Variants in MAPKAPK2 observed in about 807,000 individuals in gnomAD.
MAPKAPK2 encodes the protein MAPK activated protein kinase 2.
A neutral mutation model predicts 48.8 loss-of-function variants in MAPKAPK2; 9 were observed. The observed-to-expected ratio is 0.18, with a 90% CI of 0.11 to 0.32. The LOEUF (loss-of-function observed/expected upper bound fraction) is 0.32. MAPKAPK2 is among the 10% of genes least tolerant of loss of function. The probability of loss-of-function intolerance (pLI) is 1.00; values close to 1 mark genes in which losing one functional copy is unlikely to be tolerated. For missense variants in MAPKAPK2, 331 were observed against 498.3 expected, an observed-to-expected ratio of 0.66 and a Z score of 3.20; for synonymous variants, 202 against 190.6, an observed-to-expected ratio of 1.06 and a Z score of -0.49.
At chr1:206,696,343 C>G (rs1279405519) in intron 1 of MAPKAPK2, 7 of 728,624 alleles carry the variant, frequency 9.6e-6, no homozygotes, top group Non-Finnish European at 1.8e-5. Flanking sequence ...ACTGTAAATC[C>G]CCTGAAAACC....
At chr1:206,713,876 A>C (rs190237034) in intron 1 of MAPKAPK2, among the ~76,000 whole-genome samples, 1 of 151,572 alleles carries the variant, frequency 6.6e-6, no homozygotes, top group East Asian at 1.9e-4. Flanking sequence ...AAAAAGAGAA[A>C]GCACACAAGA....
At chr1:206,720,401 G>C (rs1475469384) in intron 1 of MAPKAPK2, among the ~76,000 whole-genome samples, 4 of 152,140 alleles carry the variant, frequency 2.6e-5, no homozygotes, top group Admixed American at 6.5e-5. Context: ...GTCTCACTCT[G>C]TTGCCCAGGC....
chr1:206,727,860 T>C (rs1047882192), intron 1 of MAPKAPK2, among the ~76,000 whole-genome samples: 1 of 152,194 alleles, frequency 6.6e-6, no homozygotes, highest in Non-Finnish European at 1.5e-5. Context: ...CCTGACCTCG[T>C]GATCTGCCTG....
At chr1:206,726,147 A>G (rs540631924) in intron 1 of MAPKAPK2, among the ~76,000 whole-genome samples, 1 of 152,226 alleles carries the variant, frequency 6.6e-6, no homozygotes, top group Non-Finnish European at 1.5e-5. Flanking sequence ...GCACATTGGG[A>G]GGCCAAGGTG....
chr1:206,685,280 G>T lies in MAPKAPK2; in HGVS notation c.51G>T (p.Pro17=), dbSNP rs1402681700. ...GQSPPVPFPA[P]APPPQPPTPA... is the part of the protein sequence containing the mutation. The stretch of plus-strand genomic sequence containing the variant: ...GCCCGCCGGTGCCGTTCCCCGCCCC[G>T]GCCCCGCCGCCGCAGCCCCCCACCC... The change falls in exon 1 of 10, where the codon CCG becomes CCT. Residue 17 remains proline, a synonymous_variant. Coordinates refer to ENST00000367103, the MANE Select transcript of MAPKAPK2 (RefSeq NM_032960.4). 30 of 210,022 alleles carry T rather than the reference G, an allele frequency of 1.4e-4. No homozygotes were observed. Among genetic ancestry groups the T allele is most frequent in the Non-Finnish European group, 2.0e-4 (22 of 109,966 alleles). The allele number at this position is 210,022 out of a possible 1,614,324, so 13.0% of individuals were successfully genotyped here. A position where few individuals can be genotyped will look rare whatever the true frequency, so the allele number is the denominator to read the frequency against.
At chr1:206,730,786 T>TG in intron 6 of MAPKAPK2, 23 bp downstream of exon 6, 20 of 552,104 alleles carry the variant, frequency 3.6e-5, no homozygotes, top group Middle Eastern at 3.0e-4. Context: ...GGGAGGGGGC[T>TG]GGGTGGGGCA....
At chr1:206,703,450 C>T (rs1672858313) in intron 1 of MAPKAPK2, among the ~76,000 whole-genome samples, 1 of 152,130 alleles carries the variant, frequency 6.6e-6, no homozygotes, top group Non-Finnish European at 1.5e-5. Context: ...TATTTCTTTT[C>T]TCTGGAATGG....
Position 206,715,173 on chromosome 1 carries a change from A to G in MAPKAPK2, c.280-13537A>G, listed in dbSNP as rs144733115. Reference sequence around the variant, plus strand: ...TCTAGTCTGTGGAGCATTCTCCTTCATAGAAAAGATGGGAAATACTGGAGA... The same window carrying G: ...TCTAGTCTGTGGAGCATTCTCCTTCGTAGAAAAGATGGGAAATACTGGAGA... On this transcript the variant is annotated intron_variant, in intron 1 of 9. Transcript: ENST00000367103. 6.6e-5 allele frequency among the ~76,000 whole-genome samples: 10 copies of G among 152,356 alleles called. No individual in the cohort carries two copies. In the East Asian group the frequency reaches 1.9e-3, roughly 29 times the overall value.
chr1:206,685,459 A>G lies in MAPKAPK2; in HGVS notation c.230A>G (p.Lys77Arg). Residue 77 changes from lysine to arginine, a missense_variant, in exon 1 of 10, where the codon AAA (lysine) becomes AGA (arginine). Physicochemically the swap from Lys to Arg is conservative, Grantham distance 26. Transcript: ENST00000367103. ...SQVLGLGING[K>R]VLQIFNKRTQ... The stretch of plus-strand genomic sequence containing the variant: ...GTCCTGGGGCTGGGCATCAACGGCA[A>G]AGTTTTGCAGATCTTCAACAAGAGG... 2 of 1,541,114 alleles carry G rather than the reference A, an allele frequency of 1.3e-6. No individual in the cohort carries two copies. The highest frequency in any genetic ancestry group is 1.8e-6 in the Non-Finnish European group (2 of 1,139,336).
intron 1 of MAPKAPK2, among the ~76,000 whole-genome samples, chr1:206,726,260 A>AC (rs1572512442): frequency 6.6e-6 from 1 of 152,150 alleles, no homozygotes; most frequent in African/African-American, 2.4e-5. Flanking sequence ...GGTGGCTCAC[A>AC]CCTGTAATCC....
intron 1 of MAPKAPK2, among the ~76,000 whole-genome samples, chr1:206,709,557 A>T (rs1034512727): frequency 2.0e-5 from 3 of 152,218 alleles, no homozygotes; most frequent in African/African-American, 7.2e-5. Context: ...TTGTAAAAAT[A>T]CCACAAATCT....
Position 206,730,778 on chromosome 1 carries a change from GAGGGGGCTGGGTGGGGC to G in MAPKAPK2, c.767+20_767+36del. ...ATGTACATCCTGTGAGTGTGCTGGG[GAGGGGGCTGGGTGGGGC>G]AGGGAGTCAGGGCGGCCTGTACTTC... On this transcript the variant is annotated intron_variant, in intron 6 of 9. Coordinates refer to ENST00000367103, the MANE Select transcript of MAPKAPK2 (RefSeq NM_032960.4). The G allele has an allele frequency of 6.6e-7, 1 of 1,506,996 alleles. No individual in the cohort carries two copies. Among genetic ancestry groups the G allele is most frequent in the Non-Finnish European group, 9.2e-7 (1 of 1,084,138 alleles). The allele number at this position is 1,506,996 out of a possible 1,614,324, so 93.4% of individuals were successfully genotyped here.
chr1:206,716,743 C>G (rs1673350909), intron 1 of MAPKAPK2, among the ~76,000 whole-genome samples: 2 of 152,048 alleles, frequency 1.3e-5, no homozygotes, highest in African/African-American at 4.8e-5. Flanking sequence ...TTCCTGACCT[C>G]CTTCCGTCTT....
At chr1:206,700,955 A>C (rs1044170804) in intron 1 of MAPKAPK2, among the ~76,000 whole-genome samples, 6 of 152,238 alleles carry the variant, frequency 3.9e-5, no homozygotes, top group African/African-American at 1.4e-4. Context: ...GTTTCTGGGC[A>C]GAACAGGGTA....
intron 1 of MAPKAPK2, among the ~76,000 whole-genome samples, chr1:206,686,308 G>C (rs2102368401): frequency 6.6e-6 from 1 of 152,380 alleles, no homozygotes; most frequent in East Asian, 1.9e-4. Context: ...CTCGCGCCGT[G>C]ATGGGCAGTC....
At chr1:206,710,256 A>G (rs1652135990) in intron 1 of MAPKAPK2, among the ~76,000 whole-genome samples, 2 of 152,206 alleles carry the variant, frequency 1.3e-5, no homozygotes, top group Admixed American at 1.3e-4. Flanking sequence ...ACAGATCACT[A>G]TGTACATAAC....
intron 1 of MAPKAPK2, among the ~76,000 whole-genome samples, chr1:206,707,730 TGGGGC>T (rs1673011321): frequency 6.6e-6 from 1 of 152,142 alleles, no homozygotes; most frequent in Non-Finnish European, 1.5e-5. Flanking sequence ...GGGTAGGGCA[TGGGGC>T]TCCTGCTCAC....
At chr1:206,689,323 G>A (rs1672381393) in intron 1 of MAPKAPK2, among the ~76,000 whole-genome samples, 1 of 152,146 alleles carries the variant, frequency 6.6e-6, no homozygotes, top group Admixed American at 6.5e-5. Flanking sequence ...AGCCTCTCAT[G>A]ATTATTCTGG....
At chr1:206,691,482 G>GATATATACATATATATATATATATAT (rs1553426252) in intron 1 of MAPKAPK2, among the ~76,000 whole-genome samples, 2 of 77,294 alleles carry the variant, frequency 2.6e-5, no homozygotes, top group African/African-American at 8.9e-5. Flanking sequence ...TGTATTTTAA[G>GATATATACATATATATATATATATAT]ATATATATAT....
Sources: allele counts gnomAD v4.1 joint callset (sites outside exome capture counted in the v4.1 genomes callset), GRCh38; gene constraint gnomAD v4.1.1; transcripts MANE v1.5; gene names NCBI Gene and HGNC (gene_info 2026-07-23, HGNC 2026-07-21).